XKR9: variants seen among roughly 807,000 people sequenced by gnomAD.
XKR9 encodes XK related 9, also known as XK-related protein 9.
Under a neutral mutation model 32.0 loss-of-function variants are expected in XKR9, and 32 were observed. The ratio of observed to expected loss-of-function variants is 1.00; its 90% confidence interval spans 0.76 to 1.34. The LOEUF (loss-of-function observed/expected upper bound fraction) is 1.34. Among genes scored for constraint, XKR9 ranks in the 40% most tolerant of loss-of-function variants. The pLI, the probability that XKR9 is intolerant of heterozygous loss-of-function variation, is 0.00. For synonymous variants in XKR9, 168 were observed against 143.4 expected, an observed-to-expected ratio of 1.17 and a Z score of -1.22; for missense variants, 546 against 429.7, an observed-to-expected ratio of 1.27 and a Z score of -2.39.
At chr8:70,847,077 G>A in the XKR9 span, among the ~76,000 whole-genome samples, 3 of 151,932 alleles carry the variant, frequency 2.0e-5, no homozygotes, top group Non-Finnish European at 2.9e-5. Context: ...CTCCAGGGTA[G>A]ATCATATGTT....
At chr8:70,711,262 A>G (rs982562716) in intron 4 of XKR9, among the ~76,000 whole-genome samples, 1 of 152,224 alleles carries the variant, frequency 6.6e-6, no homozygotes, top group African/African-American at 2.4e-5. Context: ...CAACACAGCA[A>G]TCCCATTACT....
chr8:70,690,353 T>G (rs1399103512), intron 3 of XKR9, among the ~76,000 whole-genome samples: 1 of 151,964 alleles, frequency 6.6e-6, no homozygotes, highest in African/African-American at 2.4e-5. Flanking sequence ...TTTTTGGAGA[T>G]AGAGTCTCAC....
the XKR9 span, among the ~76,000 whole-genome samples, chr8:70,965,219 C>G: frequency 6.6e-6 from 1 of 152,034 alleles, no homozygotes. Flanking sequence ...ATGTTTTTGT[C>G]TTTAGTTTTG....
At chr8:70,702,367 T>C (rs1000907237) in intron 3 of XKR9, among the ~76,000 whole-genome samples, 4 of 152,152 alleles carry the variant, frequency 2.6e-5, no homozygotes, top group African/African-American at 9.6e-5. Flanking sequence ...TTGTTGAATA[T>C]TCCATGTGCA....
At chr8:71,057,927 G>A in the XKR9 span, among the ~76,000 whole-genome samples, 1 of 152,100 alleles carries the variant, frequency 6.6e-6, no homozygotes, top group East Asian at 1.9e-4. Context: ...GCTTATGCCC[G>A]TAATCCCAAT....
chr8:71,064,512 C>T, the XKR9 span, among the ~76,000 whole-genome samples: 1 of 152,030 alleles, frequency 6.6e-6, no homozygotes, highest in African/African-American at 2.4e-5. Flanking sequence ...TGAAACATTT[C>T]TTGTGTTCAA....
chr8:70,754,361 T>C (rs1807186995), intron 2 of XKR9, among the ~76,000 whole-genome samples: 1 of 137,472 alleles, frequency 7.3e-6, no homozygotes, highest in African/African-American at 2.5e-5. Flanking sequence ...ATAGATTCAA[T>C]GCCATCCCCA....
the XKR9 span, among the ~76,000 whole-genome samples, chr8:70,845,752 A>C: frequency 6.6e-6 from 1 of 152,106 alleles, no homozygotes. Context: ...AAACAAAAAC[A>C]AACAAAACAA....
chr8:70,760,262 T>C (rs1033550651), intron 2 of XKR9, among the ~76,000 whole-genome samples: 1 of 152,222 alleles, frequency 6.6e-6, no homozygotes, highest in Non-Finnish European at 1.5e-5. Flanking sequence ...GTGCTAAGGC[T>C]ACTGATAAGG....
At chr8:70,773,471 C>G (rs550717072) in intron 2 of XKR9, among the ~76,000 whole-genome samples, 1 of 152,172 alleles carries the variant, frequency 6.6e-6, no homozygotes, top group Non-Finnish European at 1.5e-5. Context: ...TTTTAACAAG[C>G]TCCACATGCA....
intron 1 of XKR9, among the ~76,000 whole-genome samples, chr8:70,673,119 G>C (rs1818771502): frequency 6.6e-6 from 1 of 152,124 alleles, no homozygotes; most frequent in African/African-American, 2.4e-5. Flanking sequence ...TGAGGTCTTA[G>C]CTACAAAATC....
chr8:70,945,650 G>A, the XKR9 span, among the ~76,000 whole-genome samples: 1 of 152,106 alleles, frequency 6.6e-6, no homozygotes, highest in African/African-American at 2.4e-5. Flanking sequence ...TGCTGCAAAG[G>A]AGTATGCATT....
At chr8:71,051,668 T>C in the XKR9 span, among the ~76,000 whole-genome samples, 13,754 of 152,272 alleles carry the variant, frequency 0.09, 716 homozygotes, top group African/African-American at 0.11. Flanking sequence ...ATGTGAAATA[T>C]TGTAAATGTT....
intron 4 of XKR9, among the ~76,000 whole-genome samples, chr8:70,725,558 A>G (rs1359383911): frequency 6.6e-6 from 1 of 152,112 alleles, no homozygotes; most frequent in Non-Finnish European, 1.5e-5. Flanking sequence ...CATTTTTCTT[A>G]TATACTCTGT....
chr8:70,695,527 A>G (rs1478273934), intron 3 of XKR9, among the ~76,000 whole-genome samples: 1 of 151,960 alleles, frequency 6.6e-6, no homozygotes, highest in Non-Finnish European at 1.5e-5. Context: ...TTATGACTGC[A>G]TAGTATTCCA....
At chr8:70,770,986 G>T (rs1423392511) in intron 2 of XKR9, among the ~76,000 whole-genome samples, 1 of 152,140 alleles carries the variant, frequency 6.6e-6, no homozygotes, top group Non-Finnish European at 1.5e-5. Context: ...CAGCTAGCTT[G>T]GTGTCTGCTC....
At chr8:70,794,794 C>A (rs181087688), downstream of XKR9, among the ~76,000 whole-genome samples, 22 of 145,668 alleles carry the variant, frequency 1.5e-4, no homozygotes, top group East Asian at 3.5e-3. Context: ...TGTCTATATT[C>A]GTACGATATA....
At chr8:70,823,767 T>C in the XKR9 span, among the ~76,000 whole-genome samples, 2 of 152,142 alleles carry the variant, frequency 1.3e-5, no homozygotes, top group Non-Finnish European at 2.9e-5. Context: ...AACTTTTAGA[T>C]GGCCAAGGTG....
intron 4 of XKR9, among the ~76,000 whole-genome samples, chr8:70,710,155 A>T (rs539577160): frequency 6.6e-6 from 1 of 152,118 alleles, no homozygotes; most frequent in South Asian, 2.1e-4. Context: ...CAACCATCTG[A>T]TCTTCGACAG....
Sources: allele counts gnomAD v4.1 joint callset (sites outside exome capture counted in the v4.1 genomes callset), GRCh38; gene constraint gnomAD v4.1.1; transcripts MANE v1.5; gene names NCBI Gene and HGNC (gene_info 2026-07-23, HGNC 2026-07-21).